ARMH1: variants seen among roughly 807,000 people sequenced by gnomAD.
The protein encoded by ARMH1 is armadillo-like helical domain containing protein 1.
In ARMH1, 34 loss-of-function variants were observed where a neutral mutation model predicts 50.2. The ratio of observed to expected loss-of-function variants is 0.68; its 90% CI spans 0.51 to 0.90. The LOEUF (loss-of-function observed/expected upper bound fraction) is 0.90, where lower values mean the gene tolerates loss of function less well. Ranked by LOEUF, ARMH1 falls within the 40% of genes least tolerant of loss-of-function variation. The probability of loss-of-function intolerance (pLI) is 0.00; values close to 1 mark genes in which losing one functional copy is unlikely to be tolerated. For synonymous variants in ARMH1, 221 were observed against 224.2 expected, an observed-to-expected ratio of 0.99 and a Z score of 0.13; for missense variants, 538 against 553.9, an observed-to-expected ratio of 0.97 and a Z score of 0.29.
intron 6 of ARMH1, among the ~76,000 whole-genome samples, chr1:44,710,596 A>G (rs1646566414): frequency 7.4e-6 from 1 of 135,346 alleles, no homozygotes; most frequent in African/African-American, 2.9e-5. Context: ...GCAACAGAGC[A>G]AGACTCCGTC....
Position 44,682,863 on chromosome 1 carries a change from C to CA in ARMH1, c.-22-6813_-22-6812insA, listed in dbSNP as rs1293864221. On this transcript the variant is annotated intron_variant, in intron 1 of 11. Coordinates refer to ENST00000535358, the MANE Select transcript of ARMH1 (RefSeq NM_001145636.2). This position sits in a 1 kb window ranked among gnomAD's most constrained non-coding sequence, Gnocchi z 4.5. ...GCTGAGGTGGGAGGATCACTCGAGC[C>CA]CAGGCGATTGAGGCTGCGGTAAGTT... Among the ~76,000 whole-genome samples, 15 of 152,146 alleles carry CA rather than the reference C, an allele frequency of 9.9e-5. No individual in the cohort carries two copies. Among genetic ancestry groups the CA allele is most frequent in the Non-Finnish European group, 1.9e-4 (13 of 68,028 alleles).
Position 44,681,335 on chromosome 1 carries a change from G to A in ARMH1, c.-23+6462G>A, listed in dbSNP as rs1230038455. Among the ~76,000 whole-genome samples, 1 of 152,044 alleles carries A rather than the reference G, an allele frequency of 6.6e-6. No individual in the cohort carries two copies. Among genetic ancestry groups the A allele is most frequent in the Non-Finnish European group, 1.5e-5 (1 of 68,022 alleles). The stretch of plus-strand genomic sequence containing the variant: ...TAAAAAATTTTTTTAAGTTAGCCAG[G>A]CATGGTGGTGCACACCCATAGTCCT... On this transcript the variant is annotated intron_variant, in intron 1 of 11. Transcript: ENST00000535358. The surrounding 1 kb of genome is among the most constrained non-coding windows in gnomAD (Gnocchi z 4.3).
chr1:44,724,501 GC>G lies in ARMH1; in HGVS notation c.921-34del, dbSNP rs1647947098. ...GTGGGCGGGGGTGTGCGCCGGGTGA[GC>G]CCCAGGGCGTCGCCCCAGCCCGAAC... On this transcript the variant is annotated intron_variant, in intron 8 of 11. Coordinates refer to ENST00000535358, the MANE Select transcript of ARMH1 (RefSeq NM_001145636.2). The surrounding 1 kb of genome is among the most constrained non-coding windows in gnomAD (Gnocchi z 6.4). 3 of 1,507,678 alleles carry G rather than the reference GC, an allele frequency of 2.0e-6. No individual in the cohort carries two copies. In the East Asian group the frequency reaches 8.0e-5, roughly 40 times the overall value. 93.4% of individuals were successfully genotyped at this position (1,507,678 alleles called of 1,614,324 possible).
intron 6 of ARMH1, chr1:44,721,835 G>C (rs537443475): frequency 2.6e-5 from 4 of 152,060 alleles, no homozygotes; most frequent in South Asian, 2.1e-4. Context: ...ACTCATAGTT[G>C]TTTTTCTCCA....
intron 5 of ARMH1, among the ~76,000 whole-genome samples, chr1:44,703,309 G>A (rs1448963804): frequency 1.3e-5 from 2 of 152,080 alleles, no homozygotes; most frequent in Non-Finnish European, 1.5e-5. Flanking sequence ...AGAGTTCAGT[G>A]GCAGCCTCAG....
Position 44,724,053 on chromosome 1 carries a change from C to A in ARMH1, c.725-69C>A, listed in dbSNP as rs767792787. ...CACTGACGAGTGGCGACTTGGTTCA[C>A]GGGGTTCTTTGCTTCCTCGGTGGCG... On this transcript the variant is annotated intron_variant, in intron 6 of 11. Transcript: ENST00000535358. The surrounding 1 kb of genome is among the most constrained non-coding windows in gnomAD (Gnocchi z 6.4). 185 of 1,516,410 alleles carry A rather than the reference C, an allele frequency of 1.2e-4. No individual in the cohort carries two copies. The highest frequency in any genetic ancestry group is 1.6e-4 in the Non-Finnish European group (177 of 1,128,090). The allele number at this position is 1,516,410 out of a possible 1,614,324, so 93.9% of individuals were successfully genotyped here. A position where few individuals can be genotyped will look rare whatever the true frequency, so the allele number is the denominator to read the frequency against.
At chr1:44,701,200 C>T (rs1354404273) in intron 5 of ARMH1, 81 bp downstream of exon 5, 2 of 1,348,784 alleles carry the variant, frequency 1.5e-6, no homozygotes, top group Non-Finnish European at 2.0e-6. Context: ...GCTCTCCACA[C>T]AGGCATGAGA....
At chr1:44,679,318 G>A (rs1645234438) in intron 1 of ARMH1, among the ~76,000 whole-genome samples, 1 of 152,224 alleles carries the variant, frequency 6.6e-6, no homozygotes, top group South Asian at 2.1e-4. Flanking sequence ...TCAAGCTGGT[G>A]AAGCTGACTT....
chr1:44,700,112 G>A lies in ARMH1; in HGVS notation c.443-811G>A, dbSNP rs545772857. Among the ~76,000 whole-genome samples, 10 of 152,160 alleles carry A rather than the reference G, an allele frequency of 6.6e-5. No homozygotes were observed. In the South Asian group the frequency reaches 1.2e-3, roughly 19 times the overall value. On this transcript the variant is annotated intron_variant, in intron 4 of 11. Transcript: ENST00000535358. ...CCCATAGTGCTGGGATTACAGGCGTGAGCCACAACGCCTGACGAACATCTC... is the reference window on the plus strand; with the variant it reads ...CCCATAGTGCTGGGATTACAGGCGTAAGCCACAACGCCTGACGAACATCTC...
In ARMH1 at chr1:44,697,272, G is replaced by A. The variant is rs75947255; in HGVS notation, c.275+102G>A. The A allele has an allele frequency of 4.2e-4, 389 of 922,022 alleles. 1 individual carries two copies. In the African/African-American group the frequency reaches 5.9e-3, roughly 14 times the overall value. The allele number at this position is 922,022 out of a possible 1,614,324, so 57.1% of individuals were successfully genotyped here. On this transcript the variant is annotated intron_variant, in intron 3 of 11. Coordinates refer to ENST00000535358, the MANE Select transcript of ARMH1 (RefSeq NM_001145636.2). The stretch of plus-strand genomic sequence containing the variant: ...CCAGGGCCACGGATTCCTGTTAGCA[G>A]TGGGTTCCTTGTAGCTCTTGGGATG...
chr1:44,697,157 T>C lies in ARMH1; in HGVS notation c.262T>C (p.Ser88Pro), dbSNP rs1485626371. ...TCTCAGGTCCATTGGCATCTTCTTA[T>C]CAGCTGTAAGCAGGTGAGTTCTGTT... Reference protein sequence around the residue: ...KLLRSIGIFLSAVSSNRYLIE... With the variant: ...KLLRSIGIFLPAVSSNRYLIE... Residue 88 changes from serine to proline, a missense_variant, in exon 3 of 12, where the codon TCA becomes CCA. Ser to Pro is a moderately conservative substitution (Grantham distance 74). Transcript: ENST00000535358. The C allele has an allele frequency of 5.8e-6, 9 of 1,551,862 alleles. No homozygotes were observed. The highest frequency in any genetic ancestry group is 2.7e-5 in the African/African-American group (2 of 73,038).
chr1:44,699,774 G>A (rs1193116448), intron 4 of ARMH1, among the ~76,000 whole-genome samples: 1 of 151,490 alleles, frequency 6.6e-6, no homozygotes, highest in Non-Finnish European at 1.5e-5. Context: ...AGTCCATGAA[G>A]TGAGGCATGT....
chr1:44,703,793 C>G (rs1183165020), intron 5 of ARMH1, among the ~76,000 whole-genome samples: 1 of 148,734 alleles, frequency 6.7e-6, no homozygotes, highest in African/African-American at 2.5e-5. Context: ...GTGGCGCGAT[C>G]TCGGCTCACT....
At chr1:44,718,983 C>T (rs1013686718) in intron 6 of ARMH1, among the ~76,000 whole-genome samples, 4 of 140,000 alleles carry the variant, frequency 2.9e-5, no homozygotes, top group Non-Finnish European at 4.5e-5. Context: ...TAAGATCGCA[C>T]CATAGTACTC....
chr1:44,723,240 C>A (rs377069405), intron 6 of ARMH1, among the ~76,000 whole-genome samples: 1 of 152,272 alleles, frequency 6.6e-6, no homozygotes, highest in East Asian at 1.9e-4. Context: ...ACTCCTTCCA[C>A]AGCACCTGTC....
At chr1:44,722,773 G>T (rs1647514047) in intron 6 of ARMH1, among the ~76,000 whole-genome samples, 1 of 148,162 alleles carries the variant, frequency 6.7e-6, no homozygotes, top group East Asian at 2.0e-4. Flanking sequence ...TTTACTGGCT[G>T]GGCCCACCGG....
At chr1:44,702,116 T>G (rs2148667785) in intron 5 of ARMH1, among the ~76,000 whole-genome samples, 1 of 152,098 alleles carries the variant, frequency 6.6e-6, no homozygotes, top group South Asian at 2.1e-4. Context: ...AAAACAATTT[T>G]AAAAACAGAT....
Position 44,689,915 on chromosome 1 carries a change from T to C in ARMH1, c.206+12T>C, listed in dbSNP as rs1165612534. 2 of 1,547,326 alleles carry C rather than the reference T, an allele frequency of 1.3e-6. No individual in the cohort carries two copies. Among genetic ancestry groups the C allele is most frequent in the South Asian group, 1.2e-5 (1 of 83,724 alleles). ...TCGCTTAGAATCACGTATCCTTTACTGAACAGAAAAAAAAAAATTAGGCAC... is the reference window on the plus strand; with the variant it reads ...TCGCTTAGAATCACGTATCCTTTACCGAACAGAAAAAAAAAAATTAGGCAC... On this transcript the variant is annotated intron_variant, in intron 2 of 11. Transcript: ENST00000535358.
intron 4 of ARMH1, among the ~76,000 whole-genome samples, chr1:44,699,683 C>G (rs995355693): frequency 2.0e-5 from 3 of 152,038 alleles, no homozygotes; most frequent in African/African-American, 7.2e-5. Context: ...AACTCATGAG[C>G]TCAAGCGATC....
Sources: allele counts gnomAD v4.1 joint callset (sites outside exome capture counted in the v4.1 genomes callset), GRCh38; gene constraint gnomAD v4.1.1; non-coding constraint Gnocchi (gnomAD v3.1); transcripts MANE v1.5; gene names NCBI Gene and HGNC (gene_info 2026-07-23, HGNC 2026-07-21).